CTNNA3: variants seen among roughly 807,000 people sequenced by gnomAD.
CTNNA3 encodes the protein catenin alpha 3.
In CTNNA3, 76 loss-of-function variants were observed where a neutral mutation model predicts 95.7. That is an observed-to-expected ratio of 0.79 (90% CI 0.66 to 0.96). The LOEUF (loss-of-function observed/expected upper bound fraction) is 0.96. CTNNA3 is among the 40% of genes least tolerant of loss of function. The probability of loss-of-function intolerance (pLI) is 0.00; values close to 1 mark genes in which losing one functional copy is unlikely to be tolerated. For missense variants in CTNNA3, 1,191 were observed against 1,089.8 expected (o/e 1.09, Z -1.31); for synonymous variants, 431 against 374.4 (o/e 1.15, Z -1.74).
At chr10:67,237,154 ATATATATATATAT>A (rs1865520104) in intron 5 of CTNNA3, among the ~76,000 whole-genome samples, 1 of 94,260 alleles carries the variant, frequency 1.1e-5, no homozygotes, top group Non-Finnish European at 2.1e-5. Flanking sequence ...ATATATATAT[ATATATATATATAT>A]ATATATACAC....
chr10:67,441,264 C>CAAAAAAAAA (rs760690984), intron 5 of CTNNA3, among the ~76,000 whole-genome samples: 2 of 97,636 alleles, frequency 2.0e-5, no homozygotes, highest in Middle Eastern at 6.3e-3. Context: ...TGAGAGAAGA[C>CAAAAAAAAA]AAAAAAAAAA....
At chr10:67,423,773 C>G (rs1024462481) in intron 5 of CTNNA3, among the ~76,000 whole-genome samples, 2 of 152,094 alleles carry the variant, frequency 1.3e-5, no homozygotes, top group African/African-American at 2.4e-5. Context: ...CCCACCTATA[C>G]AGGCAGTGCC....
chr10:67,637,546 C>T (rs1474278548), intron 2 of CTNNA3, among the ~76,000 whole-genome samples: 1 of 152,018 alleles, frequency 6.6e-6, no homozygotes, highest in Non-Finnish European at 1.5e-5. Flanking sequence ...AAGAGCAACT[C>T]CAAGACACAT....
chr10:65,920,603 T>G lies in CTNNA3; in HGVS notation c.2415A>C (p.Thr805=). 6.2e-7 allele frequency: 1 copy of G among 1,613,460 alleles called. No homozygotes were observed. The highest frequency in any genetic ancestry group is 1.1e-5 in the South Asian group (1 of 91,078). ...AATTTTTGGCTGCTTGGATCAGGGA[T>G]GTGACACTGTCCAACTGTAGGGAAA... is the stretch of plus-strand genomic sequence containing the variant. ...ELIMSALDSV[T]SLIQAAKNLM... Residue 805 remains threonine, a synonymous_variant, in exon 18 of 18, where the codon ACA becomes ACC. Transcript: ENST00000433211.
intron 12 of CTNNA3, among the ~76,000 whole-genome samples, chr10:66,294,703 G>A (rs1047877326): frequency 2.0e-5 from 3 of 152,096 alleles, no homozygotes; most frequent in African/African-American, 7.2e-5. Flanking sequence ...GGGAGGTAAT[G>A]CAAAGGAAGA....
intron 1 of CTNNA3, among the ~76,000 whole-genome samples, chr10:67,701,818 G>T (rs969091352): frequency 3.3e-5 from 5 of 151,772 alleles, no homozygotes; most frequent in African/African-American, 9.7e-5. Flanking sequence ...CCAATTAAAA[G>T]ACACAGACTG....
At chr10:66,371,445 C>T (rs964395918) in intron 12 of CTNNA3, among the ~76,000 whole-genome samples, 1 of 152,074 alleles carries the variant, frequency 6.6e-6, no homozygotes, top group Non-Finnish European at 1.5e-5. Context: ...AATAAATCTA[C>T]CAGAAATAAA....
chr10:66,104,284 A>C (rs753814385), intron 13 of CTNNA3, among the ~76,000 whole-genome samples: 30 of 152,114 alleles, frequency 2.0e-4, no homozygotes, highest in Non-Finnish European at 7.3e-5. Context: ...AATGATCATT[A>C]TACTTTAATA....
chr10:66,003,572 G>A (rs2078815666), intron 15 of CTNNA3, among the ~76,000 whole-genome samples: 1 of 152,070 alleles, frequency 6.6e-6, no homozygotes, highest in Non-Finnish European at 1.5e-5. Flanking sequence ...GAAATCAAAG[G>A]TAGAATTAGA....
chr10:66,773,235 C>T (rs1840166592), intron 8 of CTNNA3, among the ~76,000 whole-genome samples: 1 of 152,176 alleles, frequency 6.6e-6, no homozygotes. Flanking sequence ...TTCCTGTACA[C>T]ACATACCACT....
intron 13 of CTNNA3, among the ~76,000 whole-genome samples, chr10:66,241,640 G>GC (rs780590861): frequency 3.6e-5 from 2 of 56,288 alleles, no homozygotes; most frequent in East Asian, 5.0e-4. Flanking sequence ...CCCACCCCCA[G>GC]CCCCCCCACC....
At chr10:67,668,937 C>T (rs1245071423) in intron 1 of CTNNA3, among the ~76,000 whole-genome samples, 1 of 145,588 alleles carries the variant, frequency 6.9e-6, no homozygotes, top group African/African-American at 2.6e-5. Flanking sequence ...CTCCCCGGTT[C>T]AAGTGAATCT....
chr10:66,072,358 T>C (rs1564618108), intron 14 of CTNNA3, among the ~76,000 whole-genome samples: 1 of 152,168 alleles, frequency 6.6e-6, no homozygotes, highest in Non-Finnish European at 1.5e-5. Flanking sequence ...CACAGATTTT[T>C]ATTGTTTTTC....
intron 3 of CTNNA3, among the ~76,000 whole-genome samples, chr10:67,586,133 C>CTAAAAA (rs1246043986): frequency 2.6e-5 from 4 of 152,058 alleles, no homozygotes; most frequent in Admixed American, 6.6e-5. Flanking sequence ...GTATACTTTC[C>CTAAAAA]AAAGTTCCTC....
intron 11 of CTNNA3, among the ~76,000 whole-genome samples, chr10:66,442,347 A>C (rs35223778): frequency 0.38 from 58,015 of 151,900 alleles, 11,635 homozygotes; most frequent in African/African-American, 0.5. Flanking sequence ...TATAATATGG[A>C]TTAGGTTTTT....
chr10:67,105,825 A>G (rs1174507734), intron 7 of CTNNA3, among the ~76,000 whole-genome samples: 1 of 152,212 alleles, frequency 6.6e-6, no homozygotes, highest in Non-Finnish European at 1.5e-5. Flanking sequence ...TACACCAGAG[A>G]GGTCTAGGGA....
intron 7 of CTNNA3, among the ~76,000 whole-genome samples, chr10:66,900,142 G>A (rs942434410): frequency 6.6e-6 from 1 of 152,074 alleles, no homozygotes; most frequent in Non-Finnish European, 1.5e-5. Flanking sequence ...CTGGGACAAA[G>A]CTTCCAGAGG....
intron 16 of CTNNA3, among the ~76,000 whole-genome samples, chr10:65,972,238 T>C (rs1235711577): frequency 2.6e-5 from 4 of 151,926 alleles, no homozygotes; most frequent in African/African-American, 9.7e-5. Context: ...CAATCTCTAC[T>C]TGAATGGGCT....
chr10:67,498,672 A>G lies in CTNNA3; in HGVS notation c.579+23170T>C, dbSNP rs112361098. Among the ~76,000 whole-genome samples the G allele has an allele frequency of 2.4e-3, 358 of 152,166 alleles. 1 individual carries two copies. Among genetic ancestry groups the G allele is most frequent in the African/African-American group, 8.3e-3 (344 of 41,506 alleles). On this transcript the variant is annotated intron_variant, in intron 5 of 17. Coordinates refer to ENST00000433211, the MANE Select transcript of CTNNA3 (RefSeq NM_013266.4). ...CACATCCCTTGTAAGTTTTATTCCT[A>G]GGTATTTTATTCACTTTGTAGAAAT...
Sources: allele counts gnomAD v4.1 joint callset (sites outside exome capture counted in the v4.1 genomes callset), GRCh38; gene constraint gnomAD v4.1.1; transcripts MANE v1.5; gene names NCBI Gene and HGNC (gene_info 2026-07-23, HGNC 2026-07-21).